ALPK2: variants seen among roughly 807,000 people sequenced by gnomAD.
ALPK2 encodes alpha kinase 2.
ALPK2 carries 127 observed loss-of-function variants against 163.1 expected under a neutral mutation model. That is an observed-to-expected ratio of 0.78 (90% CI 0.67 to 0.90). ALPK2 has a LOEUF of 0.90. ALPK2 is among the 40% of genes least tolerant of loss of function. The pLI is 0.00. For missense variants in ALPK2, 2,360 were observed against 2,589.6 expected, an observed-to-expected ratio of 0.91 and a Z score of 1.92; for synonymous variants, 953 against 959.1, an observed-to-expected ratio of 0.99 and a Z score of 0.12.
At chr18:58,530,649 T>C (rs1210443710) in intron 5 of ALPK2, among the ~76,000 whole-genome samples, 1 of 152,064 alleles carries the variant, frequency 6.6e-6, no homozygotes, top group Non-Finnish European at 1.5e-5. Flanking sequence ...GGGAAGGGCA[T>C]GAAATGGGCA....
chr18:58,544,460 T>G (rs1036112079), intron 4 of ALPK2: 3 of 152,196 alleles, frequency 2.0e-5, no homozygotes, highest in African/African-American at 4.8e-5. Context: ...TCACTAACAA[T>G]AGAAGGTTGT....
At chr18:58,531,702 G>A (rs2051615678) in intron 5 of ALPK2, among the ~76,000 whole-genome samples, 2 of 149,574 alleles carry the variant, frequency 1.3e-5, no homozygotes, top group Admixed American at 1.3e-4. Context: ...CATTTTGGGA[G>A]GCCAAGGCGG....
intron 11 of ALPK2, among the ~76,000 whole-genome samples, chr18:58,503,251 A>G (rs2051441781): frequency 6.6e-6 from 1 of 152,254 alleles, no homozygotes; most frequent in African/African-American, 2.4e-5. Flanking sequence ...TTGCCTATAG[A>G]GAATGAAGTA....
chr18:58,557,928 GACAAA>G, intron 4 of ALPK2, among the ~76,000 whole-genome samples: 1 of 152,166 alleles, frequency 6.6e-6, no homozygotes, highest in Non-Finnish European at 1.5e-5. Context: ...CAGCCTGGAT[GACAAA>G]ACGAGATCCC....
chr18:58,575,529 A>G (rs2051915964), intron 4 of ALPK2, among the ~76,000 whole-genome samples: 1 of 152,240 alleles, frequency 6.6e-6, no homozygotes, highest in African/African-American at 2.4e-5. Flanking sequence ...GAACCTGGGC[A>G]GCTGTGCAGG....
At chr18:58,592,124 C>T (rs2052017775) in intron 3 of ALPK2, among the ~76,000 whole-genome samples, 2 of 152,336 alleles carry the variant, frequency 1.3e-5, no homozygotes, top group South Asian at 4.1e-4. Flanking sequence ...CTGATGTGAC[C>T]TGTGGCCCCC....
chr18:58,528,955 T>G, intron 6 of ALPK2, 136 bp downstream of exon 6: 1 of 1,064,254 alleles, frequency 9.4e-7, no homozygotes, highest in Non-Finnish European at 1.4e-6. Context: ...TAGTCTTTTT[T>G]AATATTGTGG....
chr18:58,589,714 C>T (rs1319193233), intron 3 of ALPK2, among the ~76,000 whole-genome samples: 1 of 152,176 alleles, frequency 6.6e-6, no homozygotes, highest in African/African-American at 2.4e-5. Flanking sequence ...CTATTGACCA[C>T]TAAGGTGGGT....
rs751760972 is a variant in ALPK2 at position 58,537,236 on chromosome 18, A to G, written c.2951T>C (p.Phe984Ser). 1.4e-5 allele frequency: 23 copies of G among 1,614,090 alleles called. No individual in the cohort carries two copies. The highest frequency in any genetic ancestry group is 1.9e-5 in the Non-Finnish European group (22 of 1,180,026). Residue 984 changes from phenylalanine (F) to serine (S), a missense_variant, in exon 5 of 13, where the codon TTT (phenylalanine) becomes TCT (serine). Transcript: ENST00000361673. The part of the protein sequence containing the change: ...TPASYSSIVS[F>S]PWEKPTTLTA... The stretch of plus-strand genomic sequence containing the variant: ...TAATGTTGTTGGCTTCTCCCAAGGA[A>G]AACTCACAATTGAACTATAACTGGC...
chr18:58,578,781 T>C (rs747762255), intron 4 of ALPK2, 33 bp downstream of exon 4: 8 of 1,288,878 alleles, frequency 6.2e-6, no homozygotes, highest in Non-Finnish European at 8.3e-6. Flanking sequence ...CGGTTCTTTT[T>C]ATCTCGTAAT....
rs200376764 is a variant in ALPK2 at position 58,580,016 on chromosome 18, C to T, written c.760G>A (p.Asp254Asn). ...DGDLNNDGPH[D>N]EGLRSSQQNP... ...TGCTGACTAGAGCGTAAGCCTTCAT[C>T]ATGAGGACCATCATTGTTCAGGTCA... The change falls in exon 4 of 13, where the codon GAT becomes AAT. Residue 254 changes from aspartate (D) to asparagine (N), a missense_variant. Coordinates refer to ENST00000361673, the MANE Select transcript of ALPK2 (RefSeq NM_052947.4). 1 of 1,614,212 alleles carries T rather than the reference C, an allele frequency of 6.2e-7. No homozygotes were observed. Among genetic ancestry groups the T allele is most frequent in the Non-Finnish European group, 8.5e-7 (1 of 1,180,034 alleles).
At chr18:58,626,943 T>C (rs995327291) in intron 1 of ALPK2, among the ~76,000 whole-genome samples, 1 of 152,088 alleles carries the variant, frequency 6.6e-6, no homozygotes, top group Non-Finnish European at 1.5e-5. Flanking sequence ...ATTGAGAAAC[T>C]ATGATTCGAC....
Position 58,536,725 on chromosome 18 carries a change from T to C in ALPK2, c.3462A>G (p.Gln1154=), listed in dbSNP as rs2051651140. The change falls in exon 5 of 13, where the codon CAA becomes CAG. Residue 1154 remains glutamine (Q), a synonymous_variant. Coordinates refer to ENST00000361673, the MANE Select transcript of ALPK2 (RefSeq NM_052947.4). ...QQGSLSAPDF[Q]QSLPTTSAAQ... The stretch of plus-strand genomic sequence containing the variant: ...CAGCAGATGTCGTAGGCAAACTTTG[T>C]TGGAAATCAGGTGCAGAAAGAGAAC... 12 of 1,614,058 alleles carry C rather than the reference T, an allele frequency of 7.4e-6. No individual in the cohort carries two copies. The highest frequency in any genetic ancestry group is 1.0e-5 in the Non-Finnish European group (12 of 1,180,034).
chr18:58,593,615 C>T (rs1470773666), intron 3 of ALPK2, among the ~76,000 whole-genome samples: 1 of 145,454 alleles, frequency 6.9e-6, no homozygotes, highest in Admixed American at 6.9e-5. Flanking sequence ...CAGTGGCTCA[C>T]ACCTGTAATC....
At chr18:58,506,744 T>C (rs1350427392) in intron 10 of ALPK2, among the ~76,000 whole-genome samples, 1 of 152,188 alleles carries the variant, frequency 6.6e-6, no homozygotes, top group Non-Finnish European at 1.5e-5. Context: ...GTATGTATAA[T>C]ATTTATATAT....
intron 9 of ALPK2, among the ~76,000 whole-genome samples, chr18:58,516,354 G>C (rs1228480478): frequency 1.3e-5 from 2 of 152,180 alleles, no homozygotes; most frequent in Non-Finnish European, 2.9e-5. Context: ...ATAACACAGA[G>C]AAGTGGGAAC....
chr18:58,535,690 T>C lies in ALPK2; in HGVS notation c.4497A>G (p.Glu1499=), dbSNP rs769732771. 6.2e-7 allele frequency: 1 copy of C among 1,614,266 alleles called. No homozygotes were observed. The highest frequency in any genetic ancestry group is 2.2e-5 in the East Asian group (1 of 44,892). ...ATCCACTTGGAATTCTTTCACCGCC[T>C]TCGCTGGGTTGCAGGACTTGCCAAA... ...TAIWQVLQPS[E]GGERIPSGCS... is the part of the protein sequence containing the mutation. The change falls in exon 5 of 13, where the codon GAA becomes GAG. Residue 1499 remains glutamate (E), a synonymous_variant. Coordinates refer to ENST00000361673, the MANE Select transcript of ALPK2 (RefSeq NM_052947.4).
intron 8 of ALPK2, among the ~76,000 whole-genome samples, chr18:58,519,664 A>G (rs2051539422): frequency 6.6e-6 from 1 of 152,238 alleles, no homozygotes; most frequent in Non-Finnish European, 1.5e-5. Context: ...AAAGAAAAAA[A>G]AAATCTTAGA....
At position 58,481,931 on chromosome 18, in the gene ALPK2, G is replaced by A. The variant is rs1424954803; in HGVS notation, c.6405C>T (p.Asn2135=). 2 of 1,614,036 alleles carry A rather than the reference G, an allele frequency of 1.2e-6. No individual in the cohort carries two copies. Among genetic ancestry groups the A allele is most frequent in the Non-Finnish European group, 1.7e-6 (2 of 1,180,018 alleles). ...TCGGCTGCTTCTGTTTCTGGTTGTT[G>A]TTTTGAAGGGATTTCAGTCCCAGCA... ...CKMLGLKSLQ[N]NNQKQKQPSI... is the part of the protein sequence containing the mutation. The change falls in exon 13 of 13, where the codon AAC becomes AAT. Residue 2135 remains asparagine, a synonymous_variant. Coordinates refer to ENST00000361673, the MANE Select transcript of ALPK2 (RefSeq NM_052947.4).
Sources: gnomAD v4.1 joint callset for allele counts (sites outside exome capture counted in the v4.1 genomes callset) on GRCh38, gnomAD v4.1.1 for gene constraint, MANE v1.5 for transcripts, NCBI Gene and HGNC (gene_info 2026-07-23, HGNC 2026-07-21) for gene names.